WWOX: variants seen among roughly 807,000 people sequenced by gnomAD.
WWOX encodes WW domain containing oxidoreductase.
A neutral mutation model predicts 46.2 loss-of-function variants in WWOX; 69 were observed. The ratio of observed to expected loss-of-function variants is 1.49; its 90% CI spans 1.23 to 1.82. WWOX has a LOEUF of 1.82. Ranked by LOEUF, WWOX falls within the 40% of genes most tolerant of loss-of-function variation. WWOX has a pLI of 0.00. For synonymous variants in WWOX, 359 were observed against 202.6 expected (o/e 1.77, Z -6.56); for missense variants, 919 against 542.6 (o/e 1.69, Z -6.89).
rs56126537 is a variant in WWOX, at chr16:78,226,482, T to TTCCCTCCCTCCCTCCC, written c.516+62203_516+62218dup. Among the ~76,000 whole-genome samples, 34 of 134,218 alleles carry TTCCCTCCCTCCCTCCC rather than the reference T, an allele frequency of 2.5e-4. No individual in the cohort carries two copies. The East Asian group carries it at 3.2e-3, about 13-fold the overall frequency. 88.1% of individuals were successfully genotyped at this position (134,218 alleles called of 152,430 possible). A position where few individuals can be genotyped will look rare whatever the true frequency, so the allele number is the denominator to read the frequency against. Reference sequence around the variant, plus strand: ...CTGTCCTGTCCTGTCCTGTCCTGTCTTCCCTCCCTCCCTCCCTCCCTCCCT... The same window carrying TTCCCTCCCTCCCTCCC: ...CTGTCCTGTCCTGTCCTGTCCTGTCTTCCCTCCCTCCCTCCCTCCCTCCCTCCCTCCCTCCCTCCCT... On this transcript the variant is annotated intron_variant, in intron 5 of 8. Coordinates refer to ENST00000566780, the MANE Select transcript of WWOX (RefSeq NM_016373.4).
chr16:78,909,779 A>T (rs2045061411), intron 8 of WWOX, among the ~76,000 whole-genome samples: 1 of 152,186 alleles, frequency 6.6e-6, no homozygotes, highest in African/African-American at 2.4e-5. Flanking sequence ...AACTTAGTCC[A>T]AATGTAGAGG....
At chr16:79,095,365 C>T (rs372914422) in intron 8 of WWOX, among the ~76,000 whole-genome samples, 8 of 152,242 alleles carry the variant, frequency 5.3e-5, no homozygotes, top group African/African-American at 1.9e-4. Context: ...ATAATGGTCC[C>T]TTGGCAGAAT....
intron 8 of WWOX, chr16:78,890,617 A>T (rs1468346069): frequency 2.0e-5 from 3 of 152,224 alleles, no homozygotes; most frequent in Non-Finnish European, 2.9e-5. Context: ...GAAGAGTGAT[A>T]GTGTCTACAT....
chr16:79,001,809 C>T (rs1442727105), intron 8 of WWOX, among the ~76,000 whole-genome samples: 1 of 152,078 alleles, frequency 6.6e-6, no homozygotes, highest in Non-Finnish European at 1.5e-5. Context: ...AACCTCATGA[C>T]TGCTTTAGAG....
chr16:78,307,776 T>A (rs974039731), intron 5 of WWOX, among the ~76,000 whole-genome samples: 84 of 152,016 alleles, frequency 5.5e-4, no homozygotes, highest in African/African-American at 2.0e-3. Flanking sequence ...ATATTCCTTT[T>A]CATGGGAGGT....
chr16:78,180,241 C>T (rs1258530458), intron 5 of WWOX, among the ~76,000 whole-genome samples: 1 of 152,134 alleles, frequency 6.6e-6, no homozygotes, highest in African/African-American at 2.4e-5. Flanking sequence ...GCAGTGGGAG[C>T]CGACTGTGAT....
chr16:78,524,111 G>C (rs910446868), intron 8 of WWOX, among the ~76,000 whole-genome samples: 2 of 152,166 alleles, frequency 1.3e-5, no homozygotes, highest in Non-Finnish European at 2.9e-5. Flanking sequence ...GTTTTAGTCG[G>C]CAAACATCAC....
At chr16:79,034,084 G>A (rs762393256) in intron 8 of WWOX, among the ~76,000 whole-genome samples, 2 of 152,166 alleles carry the variant, frequency 1.3e-5, no homozygotes, top group African/African-American at 4.8e-5. Context: ...TGGGCTGGTG[G>A]TAATGGGCCA....
At chr16:79,109,170 T>G (rs1333691631) in intron 8 of WWOX, among the ~76,000 whole-genome samples, 1 of 152,118 alleles carries the variant, frequency 6.6e-6, no homozygotes, top group African/African-American at 2.4e-5. Flanking sequence ...CTCAGGCCAG[T>G]TCCAGGACTC....
chr16:78,575,049 ATATATATATAT>A (rs2044834089), intron 8 of WWOX, among the ~76,000 whole-genome samples: 2 of 11,088 alleles, frequency 1.8e-4, no homozygotes, highest in Non-Finnish European at 3.7e-4. Flanking sequence ...ATATATATAT[ATATATATATAT>A]ATATATATAT....
intron 8 of WWOX, among the ~76,000 whole-genome samples, chr16:78,498,264 A>T (rs1191812273): frequency 2.6e-5 from 4 of 152,032 alleles, no homozygotes; most frequent in African/African-American, 9.7e-5. Flanking sequence ...GAGGAGAAAA[A>T]TAATGCTGTT....
At chr16:78,532,326 C>G (rs527723290) in intron 8 of WWOX, among the ~76,000 whole-genome samples, 1 of 152,168 alleles carries the variant, frequency 6.6e-6, no homozygotes, top group Non-Finnish European at 1.5e-5. Flanking sequence ...TTCAAGTCCT[C>G]TCTCTGTCTC....
intron 5 of WWOX, among the ~76,000 whole-genome samples, chr16:78,355,180 C>T (rs561323503): frequency 2.8e-4 from 43 of 152,068 alleles, no homozygotes; most frequent in Non-Finnish European, 4.7e-4. Context: ...TCCTGTCTGC[C>T]AGTCACTCTA....
intron 8 of WWOX, among the ~76,000 whole-genome samples, chr16:78,815,858 C>G (rs1200668489): frequency 2.0e-5 from 3 of 152,056 alleles, no homozygotes; most frequent in African/African-American, 4.8e-5. Flanking sequence ...CTCTGTCTGC[C>G]CAAATATAAA....
intron 8 of WWOX, among the ~76,000 whole-genome samples, chr16:79,018,649 A>G (rs1250936412): frequency 6.6e-6 from 1 of 152,140 alleles, no homozygotes; most frequent in African/African-American, 2.4e-5. Flanking sequence ...GATTGTTTCA[A>G]ACATATCATG....
intron 3 of WWOX, among the ~76,000 whole-genome samples, chr16:78,110,552 G>C (rs2032433932): frequency 6.6e-6 from 1 of 152,060 alleles, no homozygotes; most frequent in South Asian, 2.1e-4. Context: ...CTGTTATAGA[G>C]AACCTATAAT....
chr16:78,922,499 C>G (rs866017237), intron 8 of WWOX, among the ~76,000 whole-genome samples: 6 of 151,884 alleles, frequency 4.0e-5, no homozygotes, highest in Admixed American at 1.3e-4. Context: ...GTGCCTCAGC[C>G]TCCTGAGTCA....
intron 8 of WWOX, among the ~76,000 whole-genome samples, chr16:78,864,247 T>C (rs1016983098): frequency 6.6e-6 from 1 of 151,864 alleles, no homozygotes; most frequent in Non-Finnish European, 1.5e-5. Context: ...TAATACAGAA[T>C]GGAGCCCTTT....
intron 8 of WWOX, among the ~76,000 whole-genome samples, chr16:79,049,812 C>G (rs28564132): frequency 0.43 from 63,366 of 147,258 alleles, 16,033 homozygotes; most frequent in African/African-American, 0.71. Flanking sequence ...ACCAGCCTGG[C>G]CGACAGAGTG....
Sources: gnomAD v4.1 joint callset for allele counts (sites outside exome capture counted in the v4.1 genomes callset) on GRCh38, gnomAD v4.1.1 for gene constraint, MANE v1.5 for transcripts, NCBI Gene and HGNC (gene_info 2026-07-23, HGNC 2026-07-21) for gene names.